Variants in ZBTB37 observed in about 807,000 individuals in gnomAD.
The protein encoded by ZBTB37 is zinc finger and BTB domain-containing protein 37.
ZBTB37 carries 15 observed loss-of-function variants against 37.7 expected under a neutral mutation model. The ratio of observed to expected loss-of-function variants is 0.40; its 90% CI spans 0.27 to 0.61. The LOEUF is 0.61. ZBTB37 is among the 20% of genes least tolerant of loss of function. The pLI, the probability that ZBTB37 is intolerant of heterozygous loss-of-function variation, is 0.44. For missense variants in ZBTB37, 514 were observed against 641.9 expected (o/e 0.80, Z 2.15); for synonymous variants, 231 against 220.6 (o/e 1.05, Z -0.42).
Position 173,879,025 on chromosome 1 carries a change from A to T in ZBTB37, c.1023+5459A>T, listed in dbSNP as rs375814128. Among the ~76,000 whole-genome samples the T allele has an allele frequency of 1.7e-3, 249 of 149,200 alleles. 1 individual carries two copies. The highest frequency in any genetic ancestry group is 5.8e-3 in the African/African-American group (236 of 40,438). ...AGAATCGTTTGAACCCGGGAGGTGG[A>T]GGTTGCAGTGAGCCGAGACCATGCC... On this transcript the variant is annotated intron_variant, in intron 4 of 4. Transcript: ENST00000427304.
chr1:173,888,212 A>G (rs565202187), downstream of ZBTB37: 5 of 152,294 alleles, frequency 3.3e-5, 1 homozygote, highest in African/African-American at 9.6e-5. Context: ...GCTCTGTGGC[A>G]TAGAAAAGGT....
chr1:173,873,331 AACTATTCCTCAG>A (rs1655696057), intron 3 of ZBTB37, 124 bp from the exon 4 acceptor site: 1 of 833,542 alleles, frequency 1.2e-6, no homozygotes, highest in Non-Finnish European at 1.8e-6. Flanking sequence ...AACTCCACAA[AACTATTCCTCAG>A]TTATTTGTTG....
chr1:173,892,591 GCTGT>G (rs1271721392), exon 4 of ZBTB37: 5 of 152,166 alleles, frequency 3.3e-5, no homozygotes, highest in African/African-American at 9.7e-5. Context: ...GTGTAGGCAG[GCTGT>G]CTTTCTCCTC....
exon 4 of ZBTB37, chr1:173,893,999 A>C (rs1329970901): frequency 6.6e-6 from 1 of 152,234 alleles, no homozygotes; most frequent in Non-Finnish European, 1.5e-5. Flanking sequence ...GTTGAAGTTG[A>C]CTGGAATATA....
exon 4 of ZBTB37, chr1:173,902,025 A>G (rs1381900587): frequency 6.6e-6 from 1 of 152,228 alleles, no homozygotes; most frequent in East Asian, 1.9e-4. Flanking sequence ...AATCCAGGAC[A>G]AGATCCCCCT....
At chr1:173,882,298 G>A (rs776728615) in intron 4 of ZBTB37, among the ~76,000 whole-genome samples, 20 of 135,420 alleles carry the variant, frequency 1.5e-4, no homozygotes, top group Admixed American at 2.4e-4. Flanking sequence ...CTGGAGTGCA[G>A]TGGCGCAATC....
exon 4 of ZBTB37, chr1:173,898,690 A>G (rs749309847): frequency 1.3e-5 from 2 of 152,240 alleles, no homozygotes; most frequent in Admixed American, 1.3e-4. Flanking sequence ...AGTTGTTTCA[A>G]TAGTAATATG....
At chr1:173,878,019 C>A (rs1008985352) in intron 4 of ZBTB37, among the ~76,000 whole-genome samples, 21 of 152,202 alleles carry the variant, frequency 1.4e-4, no homozygotes, top group Non-Finnish European at 2.9e-4. Flanking sequence ...ACTTTTCCCA[C>A]CACTCATCAG....
chr1:173,885,094 A>T (rs1656549497), intron 4 of ZBTB37, among the ~76,000 whole-genome samples: 2 of 151,904 alleles, frequency 1.3e-5, no homozygotes, highest in African/African-American at 4.8e-5. Flanking sequence ...ATTATCTGGG[A>T]GTGGTGGTGC....
At chr1:173,900,077 T>A (rs1275508500) in exon 4 of ZBTB37, 1 of 152,208 alleles carries the variant, frequency 6.6e-6, no homozygotes, top group African/African-American at 2.4e-5. Context: ...CAATTTCTAT[T>A]TGTAAAATAA....
exon 4 of ZBTB37, chr1:173,903,485 T>A (rs746270397): frequency 3.0e-5 from 6 of 202,886 alleles, no homozygotes; most frequent in Non-Finnish European, 6.1e-5. Context: ...CCCTTTATTT[T>A]AACACTGTGT....
downstream of ZBTB37, chr1:173,886,733 C>G (rs1265839609): frequency 1.3e-5 from 2 of 152,848 alleles, no homozygotes; most frequent in East Asian, 3.8e-4. Flanking sequence ...TTCATATAAT[C>G]AGCCATCTTG....
intron 3 of ZBTB37, 121 bp downstream of exon 3, chr1:173,871,269 G>A (rs1299585893): frequency 9.8e-6 from 10 of 1,021,576 alleles, no homozygotes; most frequent in Non-Finnish European, 1.2e-5. Flanking sequence ...ATAAGTTGAT[G>A]ATGGGGAAAC....
At chr1:173,881,946 C>G (rs550491727) in intron 4 of ZBTB37, among the ~76,000 whole-genome samples, 1 of 151,544 alleles carries the variant, frequency 6.6e-6, no homozygotes, top group East Asian at 2.0e-4. Flanking sequence ...CCCAGCTACT[C>G]AGGAGGCTAA....
chr1:173,902,269 CATA>C (rs1657291651), exon 4 of ZBTB37: 2 of 152,270 alleles, frequency 1.3e-5, no homozygotes, highest in South Asian at 4.1e-4. Context: ...TAAAGGCTAC[CATA>C]ATATTTGTAA....
chr1:173,875,650 T>A (rs962696974), intron 4 of ZBTB37, among the ~76,000 whole-genome samples: 1 of 152,006 alleles, frequency 6.6e-6, no homozygotes, highest in African/African-American at 2.4e-5. Context: ...TGTAAACAAA[T>A]TGCTTATGCT....
intron 4 of ZBTB37, among the ~76,000 whole-genome samples, chr1:173,875,317 CAT>C (rs1156598476): frequency 2.5e-5 from 3 of 122,066 alleles, no homozygotes; most frequent in South Asian, 2.5e-4. Flanking sequence ...TATATGTGTG[CAT>C]ATATATATAT....
At chr1:173,873,600 G>C in intron 4 of ZBTB37, 34 bp downstream of exon 4, 1 of 1,612,768 alleles carries the variant, frequency 6.2e-7, no homozygotes, top group South Asian at 1.1e-5. Context: ...TGCTTTGGTG[G>C]TTGGAGGAAT....
At chr1:173,875,994 T>G (rs1655945215) in intron 4 of ZBTB37, among the ~76,000 whole-genome samples, 2 of 152,200 alleles carry the variant, frequency 1.3e-5, no homozygotes, top group Admixed American at 1.3e-4. Flanking sequence ...CTATTTCATG[T>G]ACTGTATCTT....
Sources: gnomAD v4.1 joint callset for allele counts (sites outside exome capture counted in the v4.1 genomes callset) on GRCh38, gnomAD v4.1.1 for gene constraint, MANE v1.5 for transcripts, NCBI Gene and HGNC (gene_info 2026-07-23, HGNC 2026-07-21) for gene names.